The following DCC variants were observed in gnomAD, a reference collection of about 807,000 sequenced individuals.
DCC encodes the protein DCC netrin 1 receptor.
Under a neutral mutation model 172.5 loss-of-function variants are expected in DCC, and 58 were observed. The observed-to-expected ratio is 0.34, with a 90% CI of 0.27 to 0.42. The LOEUF (loss-of-function observed/expected upper bound fraction) is 0.42, where lower values mean the gene tolerates loss of function less well. Ranked by LOEUF, DCC falls within the 10% of genes least tolerant of loss-of-function variation. The pLI, the probability that DCC is intolerant of heterozygous loss-of-function variation, is 1.00. For missense variants in DCC, 1,740 were observed against 1,791.0 expected (o/e 0.97, Z 0.51); for synonymous variants, 709 against 644.5 (o/e 1.10, Z -1.52).
At chr18:53,079,832 GC>G (rs2042773031) in intron 7 of DCC, among the ~76,000 whole-genome samples, 1 of 152,136 alleles carries the variant, frequency 6.6e-6, no homozygotes, top group African/African-American at 2.4e-5. Flanking sequence ...ACACATGGGA[GC>G]ATAGAGCAGA....
At chr18:52,736,682 C>A (rs1353654192) in intron 1 of DCC, among the ~76,000 whole-genome samples, 2 of 152,098 alleles carry the variant, frequency 1.3e-5, no homozygotes, top group African/African-American at 2.4e-5. Flanking sequence ...ACATATTATA[C>A]AAATAAAAAT....
At chr18:52,466,975 A>G (rs966376962) in intron 1 of DCC, among the ~76,000 whole-genome samples, 4 of 152,096 alleles carry the variant, frequency 2.6e-5, no homozygotes, top group Non-Finnish European at 5.9e-5. Flanking sequence ...AAATCTAGGT[A>G]GCCTGAGTTT....
chr18:53,182,642 A>T (rs72921502), intron 9 of DCC, among the ~76,000 whole-genome samples: 5 of 152,308 alleles, frequency 3.3e-5, no homozygotes, highest in African/African-American at 9.6e-5. Context: ...TGTGTATTTT[A>T]TCTTCTGTTG....
At chr18:53,021,877 T>C (rs1245483981) in intron 5 of DCC, among the ~76,000 whole-genome samples, 1 of 152,198 alleles carries the variant, frequency 6.6e-6, no homozygotes, top group African/African-American at 2.4e-5. Flanking sequence ...ATGGCTGCAT[T>C]TGGTTTTATT....
intron 1 of DCC, among the ~76,000 whole-genome samples, chr18:52,544,606 CT>C (rs2032560214): frequency 6.6e-6 from 1 of 152,134 alleles, no homozygotes; most frequent in Non-Finnish European, 1.5e-5. Flanking sequence ...TTGCTCTCCT[CT>C]GCTATTCCAT....
rs533981762 is a variant in DCC at position 53,399,299 on chromosome 18, T to C, written c.2827+1853T>C. 5.3e-5 allele frequency among the ~76,000 whole-genome samples: 8 copies of C among 152,142 alleles called. No homozygotes were observed. The East Asian group carries it at 1.5e-3, about 29-fold the overall frequency. On this transcript the variant is annotated intron_variant, in intron 18 of 28. Transcript: ENST00000442544. ...TATTTCCTTGTATGTAGATTCAGTGTCACAAAAGAGAGAATATTATTGGCA... is the reference window on the plus strand; with the variant it reads ...TATTTCCTTGTATGTAGATTCAGTGCCACAAAAGAGAGAATATTATTGGCA...
intron 25 of DCC, among the ~76,000 whole-genome samples, chr18:53,468,281 AAG>A (rs2045648031): frequency 6.6e-6 from 1 of 151,134 alleles, no homozygotes; most frequent in South Asian, 2.1e-4. Context: ...ATTCACATAA[AAG>A]AGCTGATATA....
intron 2 of DCC, among the ~76,000 whole-genome samples, chr18:52,834,046 G>A (rs1470784917): frequency 6.6e-6 from 1 of 152,138 alleles, no homozygotes; most frequent in Non-Finnish European, 1.5e-5. Context: ...AGCAGCTTCT[G>A]CAGAAAACAG....
intron 5 of DCC, among the ~76,000 whole-genome samples, chr18:53,041,615 T>C (rs1011721397): frequency 2.6e-5 from 4 of 152,116 alleles, no homozygotes; most frequent in African/African-American, 9.7e-5. Flanking sequence ...AGTATGGCCA[T>C]TTTTATGATA....
chr18:53,265,102 A>T (rs1252981762), intron 12 of DCC, among the ~76,000 whole-genome samples: 5 of 152,180 alleles, frequency 3.3e-5, no homozygotes, highest in African/African-American at 4.8e-5. Flanking sequence ...AGCATACTCC[A>T]TGTCAGAAGC....
chr18:52,923,178 T>C (rs746018549), intron 3 of DCC, among the ~76,000 whole-genome samples: 3 of 152,120 alleles, frequency 2.0e-5, no homozygotes, highest in Non-Finnish European at 4.4e-5. Context: ...TAAATCTGAC[T>C]TCCTTTTCTA....
chr18:52,497,296 TATATATATATATATATATACAC>T lies in DCC; in HGVS notation c.91+156420_91+156441del, dbSNP rs1484904232. On this transcript the variant is annotated intron_variant, in intron 1 of 28. Transcript: ENST00000442544. ...AAAAAAAAAAATATATATATATATA[TATATATATATATATATATACAC>T]ACACACATATATATACACACGTATG... is the stretch of plus-strand genomic sequence containing the variant. 6.8e-5 allele frequency among the ~76,000 whole-genome samples: 6 copies of T among 88,050 alleles called. 1 individual carries two copies. The highest frequency in any genetic ancestry group is 2.4e-4 in the African/African-American group (6 of 24,736). 57.8% of individuals were successfully genotyped at this position (88,050 alleles called of 152,430 possible).
intron 1 of DCC, among the ~76,000 whole-genome samples, chr18:52,548,627 G>A (rs1319432354): frequency 2.0e-5 from 3 of 152,100 alleles, no homozygotes; most frequent in Non-Finnish European, 4.4e-5. Context: ...TTTTCAATTC[G>A]AAAACTGGGT....
intron 2 of DCC, among the ~76,000 whole-genome samples, chr18:52,831,588 G>C (rs547327458): frequency 1.9e-4 from 29 of 152,118 alleles, no homozygotes; most frequent in Non-Finnish European, 3.2e-4. Flanking sequence ...ATTAGATGTG[G>C]GGTCTGAGAC....
chr18:52,709,996 G>A (rs1196889833), intron 1 of DCC, among the ~76,000 whole-genome samples: 1 of 152,150 alleles, frequency 6.6e-6, no homozygotes, highest in Non-Finnish European at 1.5e-5. Context: ...AGACCCTGGT[G>A]GTGGGATTGC....
intron 2 of DCC, among the ~76,000 whole-genome samples, chr18:52,840,481 T>C (rs1226165947): frequency 6.6e-6 from 1 of 152,202 alleles, no homozygotes; most frequent in Non-Finnish European, 1.5e-5. Context: ...TGTAGAACCA[T>C]TCTAAGTGTA....
chr18:53,419,145 A>T (rs1910485244), intron 21 of DCC, among the ~76,000 whole-genome samples: 1 of 152,114 alleles, frequency 6.6e-6, no homozygotes, highest in African/African-American at 2.4e-5. Flanking sequence ...TATGCTTTAA[A>T]AATTATTTTT....
intron 22 of DCC, among the ~76,000 whole-genome samples, chr18:53,437,389 G>A (rs1280688615): frequency 6.6e-6 from 1 of 151,872 alleles, no homozygotes; most frequent in African/African-American, 2.4e-5. Context: ...GACCATCCTG[G>A]CTAACACGGT....
At chr18:52,402,065 G>T (rs900546362) in intron 1 of DCC, among the ~76,000 whole-genome samples, 1 of 151,926 alleles carries the variant, frequency 6.6e-6, no homozygotes, top group African/African-American at 2.4e-5. Flanking sequence ...TGTATTACTT[G>T]TCAAGGGTTG....
Sources: gnomAD v4.1 joint callset for allele counts (sites outside exome capture counted in the v4.1 genomes callset) on GRCh38, gnomAD v4.1.1 for gene constraint, MANE v1.5 for transcripts, NCBI Gene and HGNC (gene_info 2026-07-23, HGNC 2026-07-21) for gene names.